RASGRF2: variants seen among roughly 807,000 people sequenced by gnomAD.
RASGRF2 encodes the protein Ras protein specific guanine nucleotide releasing factor 2.
A neutral mutation model predicts 151.0 loss-of-function variants in RASGRF2; 76 were observed. The ratio of observed to expected loss-of-function variants is 0.50; its 90% CI spans 0.42 to 0.61. The LOEUF is 0.61. Among genes scored for constraint, RASGRF2 ranks in the 20% least tolerant of loss-of-function variants. The pLI is 0.00. For missense variants in RASGRF2, 1,148 were observed against 1,564.6 expected, an observed-to-expected ratio of 0.73 and a Z score of 4.49; for synonymous variants, 504 against 566.5, an observed-to-expected ratio of 0.89 and a Z score of 1.57.
chr5:81,021,980 GGGTCTTCAGACCGGTT>G (rs1218623670), intron 1 of RASGRF2, among the ~76,000 whole-genome samples: 1 of 152,136 alleles, frequency 6.6e-6, no homozygotes, highest in East Asian at 1.9e-4. Flanking sequence ...TCCTTGGTGG[GGGTCTTCAGACCGGTT>G]GGTGTCAGCC....
chr5:81,201,454 T>C lies in RASGRF2; in HGVS notation c.2906+12T>C. The C allele has an allele frequency of 3.7e-6, 6 of 1,608,466 alleles. No individual in the cohort carries two copies. Among genetic ancestry groups the C allele is most frequent in the Non-Finnish European group, 5.1e-6 (6 of 1,178,120 alleles). On this transcript the variant is annotated intron_variant, in intron 19 of 26. Transcript: ENST00000265080. Reference sequence around the variant, plus strand: ...GCGAATATCCTCAGGTGAAGGCAGCTGAAGATGCCGACTGGATGACATTGG... The same window carrying C: ...GCGAATATCCTCAGGTGAAGGCAGCCGAAGATGCCGACTGGATGACATTGG...
Position 81,123,625 on chromosome 5 carries a change from A to G in RASGRF2, c.2471-17A>G, listed in dbSNP as rs748684264. On this transcript the variant is annotated splice_polypyrimidine_tract_variant and intron_variant, in intron 15 of 26. Transcript: ENST00000265080. ...ATTCATGGCCTGGTTGTTAAAATTC[A>G]TGATGTTTTCAAGCAGCAGTCCTAG... 16 of 1,604,386 alleles carry G rather than the reference A, an allele frequency of 1.0e-5. No individual in the cohort carries two copies. In the East Asian group the frequency reaches 3.4e-4, roughly 34 times the overall value.
At chr5:81,058,351 A>G (rs1056953734) in intron 2 of RASGRF2, among the ~76,000 whole-genome samples, 2 of 152,212 alleles carry the variant, frequency 1.3e-5, no homozygotes, top group African/African-American at 4.8e-5. Context: ...CACATAAGAT[A>G]TGTGTTGGCA....
chr5:81,037,659 A>G (rs1750545012), intron 1 of RASGRF2, among the ~76,000 whole-genome samples: 1 of 152,246 alleles, frequency 6.6e-6, no homozygotes, highest in African/African-American at 2.4e-5. Context: ...TTTATGTGAA[A>G]TGATTGAGAG....
chr5:81,177,225 T>G (rs1754795689), intron 17 of RASGRF2, among the ~76,000 whole-genome samples: 1 of 152,202 alleles, frequency 6.6e-6, no homozygotes, highest in Non-Finnish European at 1.5e-5. Flanking sequence ...AGGATATTTG[T>G]TATATTTTAC....
intron 2 of RASGRF2, 85 bp downstream of exon 2, chr5:81,043,068 C>A (rs1167526043): frequency 2.0e-6 from 2 of 1,001,196 alleles, no homozygotes; most frequent in Non-Finnish European, 3.0e-6. Flanking sequence ...TTTGGAAGAA[C>A]TTGCAACTCT....
intron 13 of RASGRF2, among the ~76,000 whole-genome samples, chr5:81,111,565 G>A (rs1364063892): frequency 6.6e-6 from 1 of 152,006 alleles, no homozygotes; most frequent in African/African-American, 2.4e-5. Context: ...GCAACTTATG[G>A]ATTACACAGT....
intron 18 of RASGRF2, among the ~76,000 whole-genome samples, chr5:81,198,606 A>T (rs1226653253): frequency 6.6e-6 from 1 of 151,990 alleles, no homozygotes; most frequent in Non-Finnish European, 1.5e-5. Context: ...TACCCAGCAA[A>T]TTTTTTATAT....
intron 17 of RASGRF2, among the ~76,000 whole-genome samples, chr5:81,128,264 AAG>A (rs1461570328): frequency 2.6e-5 from 4 of 152,182 alleles, no homozygotes; most frequent in Admixed American, 6.5e-5. Context: ...GAAAATGGTT[AAG>A]AGAGTAGATT....
chr5:81,192,652 G>T (rs1326812088), intron 18 of RASGRF2, among the ~76,000 whole-genome samples: 1 of 152,220 alleles, frequency 6.6e-6, no homozygotes, highest in Non-Finnish European at 1.5e-5. Flanking sequence ...GGGTTTCAAT[G>T]TTAAAGTTTT....
At chr5:81,143,889 GAA>G (rs5869072) in intron 17 of RASGRF2, among the ~76,000 whole-genome samples, 132 of 126,786 alleles carry the variant, frequency 1.0e-3, no homozygotes, top group South Asian at 6.8e-3. Flanking sequence ...AAATGTCTCA[GAA>G]AAAAAAAAAA....
At chr5:81,180,332 C>A in intron 18 of RASGRF2, 51 bp downstream of exon 18, 2 of 1,162,512 alleles carry the variant, frequency 1.7e-6, no homozygotes, top group South Asian at 1.2e-5. Context: ...AAAAAATCAT[C>A]TTTTTAAGTT....
chr5:81,022,047 T>C (rs981359511), intron 1 of RASGRF2, among the ~76,000 whole-genome samples: 10 of 152,174 alleles, frequency 6.6e-5, no homozygotes, highest in African/African-American at 2.2e-4. Context: ...CCTTAAACGA[T>C]TCTTGAGCAA....
chr5:81,084,885 A>T (rs544338050), intron 7 of RASGRF2, among the ~76,000 whole-genome samples: 2 of 152,364 alleles, frequency 1.3e-5, no homozygotes, highest in African/African-American at 4.8e-5. Context: ...AGCTGGGATT[A>T]TAGTTGACGC....
intron 1 of RASGRF2, among the ~76,000 whole-genome samples, chr5:81,034,302 G>C (rs1160797894): frequency 6.6e-6 from 1 of 152,216 alleles, no homozygotes; most frequent in African/African-American, 2.4e-5. Context: ...GGAAACAACA[G>C]GTGCTGGAGA....
At chr5:80,961,150 C>G (rs1747539934) in intron 1 of RASGRF2, 124 bp downstream of exon 1, 5 of 1,145,278 alleles carry the variant, frequency 4.4e-6, no homozygotes, top group Non-Finnish European at 5.8e-6. Context: ...GAAATCCCCC[C>G]GCGTCACCAG....
At chr5:81,141,461 A>G (rs1008212387) in intron 17 of RASGRF2, among the ~76,000 whole-genome samples, 2 of 152,140 alleles carry the variant, frequency 1.3e-5, no homozygotes, top group African/African-American at 4.8e-5. Context: ...CAAGTGTGGC[A>G]TCTGGAGTGG....
rs753616149 is a variant in RASGRF2, at chr5:81,201,431, G to T, written c.2895G>T (p.Ala965=). 1 of 1,613,588 alleles carries T rather than the reference G, an allele frequency of 6.2e-7. No homozygotes were observed. Among genetic ancestry groups the T allele is most frequent in the Non-Finnish European group, 8.5e-7 (1 of 1,179,842 alleles). The change falls in exon 19 of 27, where the codon GCG becomes GCT. Residue 965 remains alanine, a synonymous_variant. Transcript: ENST00000265080. ...DLLPQERKAA[A]NILRALSQDD... is the part of the protein sequence containing the mutation. Reference sequence around the variant, plus strand: ...TTCCCCAAGAAAGGAAAGCCGCCGCGAATATCCTCAGGTGAAGGCAGCTGA... The same window carrying T: ...TTCCCCAAGAAAGGAAAGCCGCCGCTAATATCCTCAGGTGAAGGCAGCTGA...
Position 81,068,100 on chromosome 5 carries a change from A to G in RASGRF2, c.464A>G (p.Glu155Gly), listed in dbSNP as rs1368553408. ...QKYIHLVQIV[E>G]TEKIAANQLR... ...TACATTCATCTAGTTCAGATCGTAG[A>G]GACAGAAAAAATTGCAGCTAACCAA... Residue 155 changes from glutamate (E) to glycine (G), a missense_variant, in exon 3 of 27, where the codon GAG becomes GGG. By Grantham distance (98) the Glu-to-Gly change is moderately conservative (BLOSUM62 -2). This residue lies in a region of RASGRF2 where 221 missense variants were observed against 271.3 expected (regional missense o/e 0.81). Coordinates refer to ENST00000265080, the MANE Select transcript of RASGRF2 (RefSeq NM_006909.3). 1 of 1,613,960 alleles carries G rather than the reference A, an allele frequency of 6.2e-7. No individual in the cohort carries two copies. The highest frequency in any genetic ancestry group is 1.7e-5 in the Admixed American group (1 of 59,996).
Sources: gnomAD v4.1 joint callset for allele counts (sites outside exome capture counted in the v4.1 genomes callset) on GRCh38, gnomAD v4.1.1 for gene constraint, gnomAD v4.1.1 regional missense constraint, MANE v1.5 for transcripts, NCBI Gene and HGNC (gene_info 2026-07-23, HGNC 2026-07-21) for gene names.